Variants in CUX2 observed in about 807,000 individuals in gnomAD.
CUX2 encodes cut like homeobox 2, also known as homeobox protein cut-like 2.
A neutral mutation model predicts 144.8 loss-of-function variants in CUX2; 40 were observed. That is an observed-to-expected ratio of 0.28 (90% CI 0.21 to 0.36). The LOEUF is 0.36. Ranked by LOEUF, CUX2 falls within the 10% of genes least tolerant of loss-of-function variation. The pLI, the probability that CUX2 is intolerant of heterozygous loss-of-function variation, is 1.00. For synonymous variants in CUX2, 827 were observed against 875.6 expected (o/e 0.94, Z 0.98); for missense variants, 1,615 against 1,994.0 (o/e 0.81, Z 3.62).
At chr12:111,147,490 C>G (rs1876760936) in intron 1 of CUX2, among the ~76,000 whole-genome samples, 1 of 152,226 alleles carries the variant, frequency 6.6e-6, no homozygotes, top group Non-Finnish European at 1.5e-5. Flanking sequence ...GCCCCCTTTC[C>G]CTGGCACAGT....
At chr12:111,279,585 G>A (rs7967193) in intron 4 of CUX2, among the ~76,000 whole-genome samples, 11,541 of 152,246 alleles carry the variant, frequency 0.076, 938 homozygotes, top group African/African-American at 0.2. Context: ...CACTTTGGGA[G>A]GCCAAGATGG....
At chr12:111,303,761 A>G (rs1886434194) in intron 9 of CUX2, among the ~76,000 whole-genome samples, 1 of 152,186 alleles carries the variant, frequency 6.6e-6, no homozygotes, top group Non-Finnish European at 1.5e-5. Context: ...GACTCATTCC[A>G]TACCAGGTGG....
At chr12:111,237,752 C>G (rs567162232) in intron 3 of CUX2, among the ~76,000 whole-genome samples, 1 of 152,184 alleles carries the variant, frequency 6.6e-6, no homozygotes, top group South Asian at 2.1e-4. Flanking sequence ...TGTGCCCCTT[C>G]CCTCTTCTCA....
chr12:111,228,783 C>T (rs1457997175), intron 3 of CUX2, among the ~76,000 whole-genome samples: 1 of 152,048 alleles, frequency 6.6e-6, no homozygotes, highest in Non-Finnish European at 1.5e-5. Context: ...GTCAGCAGAC[C>T]CGCACAGTTC....
chr12:111,241,084 T>C (rs1882996794), intron 3 of CUX2, among the ~76,000 whole-genome samples: 1 of 152,132 alleles, frequency 6.6e-6, no homozygotes, highest in African/African-American at 2.4e-5. Context: ...GCTGCAAAGT[T>C]CAAGTTTGGG....
At chr12:111,174,749 A>G (rs1226437288) in intron 1 of CUX2, among the ~76,000 whole-genome samples, 1 of 152,220 alleles carries the variant, frequency 6.6e-6, no homozygotes, top group African/African-American at 2.4e-5. Flanking sequence ...GGGAACAGGG[A>G]CATCACCACC....
chr12:111,144,823 A>G (rs1267784624), intron 1 of CUX2, among the ~76,000 whole-genome samples: 1 of 152,090 alleles, frequency 6.6e-6, no homozygotes, highest in Non-Finnish European at 1.5e-5. Flanking sequence ...AAGGATCTTT[A>G]CCTGGAGGCC....
At chr12:111,301,089 G>A (rs1439186916) in intron 9 of CUX2, among the ~76,000 whole-genome samples, 7 of 150,392 alleles carry the variant, frequency 4.7e-5, no homozygotes, top group South Asian at 2.1e-4. Flanking sequence ...TAGGAAGCAC[G>A]TCTAATAATG....
intron 1 of CUX2, among the ~76,000 whole-genome samples, chr12:111,169,717 C>T (rs1878394873): frequency 6.6e-6 from 1 of 152,164 alleles, no homozygotes; most frequent in African/African-American, 2.4e-5. Flanking sequence ...CCCATTAGTC[C>T]CCCTCTGGTA....
chr12:111,319,836 G>C (rs767099250), intron 16 of CUX2, among the ~76,000 whole-genome samples, 176 bp from the exon 17 acceptor site: 7 of 152,230 alleles, frequency 4.6e-5, no homozygotes, highest in Non-Finnish European at 8.8e-5. Flanking sequence ...ATTTTGGGTG[G>C]CTGCCTAATA....
intron 3 of CUX2, among the ~76,000 whole-genome samples, chr12:111,260,563 C>T (rs985971720): frequency 1.3e-5 from 2 of 152,114 alleles, no homozygotes; most frequent in South Asian, 2.1e-4. Context: ...AGTTTGAAAT[C>T]GTTGCATTTC....
chr12:111,268,464 T>C (rs1282066997), intron 4 of CUX2, among the ~76,000 whole-genome samples: 1 of 152,216 alleles, frequency 6.6e-6, no homozygotes, highest in Non-Finnish European at 1.5e-5. Context: ...GGGGCGGACG[T>C]TCAGCCAGTA....
rs556262553 is a variant in CUX2, at chr12:111,298,763, C to T, written c.753+174C>T. ...GAGTCTGGGCCCCAGGCCCTGCCCT[C>T]CCCAAGCTCCCAGGGTGGGCCCAGG... is the stretch of plus-strand genomic sequence containing the variant. On this transcript the variant is annotated intron_variant, in intron 9 of 21. Transcript: ENST00000261726. 5.8e-4 allele frequency among the ~76,000 whole-genome samples: 88 copies of T among 152,248 alleles called. 1 individual carries two copies. Among genetic ancestry groups the T allele is most frequent in the African/African-American group, 2.0e-3 (85 of 41,560 alleles).
intron 1 of CUX2, among the ~76,000 whole-genome samples, chr12:111,137,572 G>T (rs1875984522): frequency 6.6e-6 from 1 of 151,974 alleles, no homozygotes. Flanking sequence ...AAGTGCAGTG[G>T]CCCAATCACA....
At chr12:111,124,123 G>A (rs747557428) in intron 1 of CUX2, among the ~76,000 whole-genome samples, 3 of 152,114 alleles carry the variant, frequency 2.0e-5, no homozygotes, top group East Asian at 1.9e-4. Context: ...AAAGGAAACC[G>A]CATACCCCTG....
At chr12:111,137,797 GA>G (rs1876008021) in intron 1 of CUX2, among the ~76,000 whole-genome samples, 1 of 152,240 alleles carries the variant, frequency 6.6e-6, no homozygotes, top group Non-Finnish European at 1.5e-5. Context: ...TTATAGGCAT[GA>G]ACCAGCCACC....
At chr12:111,207,421 A>G (rs769786367) in intron 1 of CUX2, among the ~76,000 whole-genome samples, 14 of 152,218 alleles carry the variant, frequency 9.2e-5, no homozygotes, top group African/African-American at 3.4e-4. Flanking sequence ...TGCCTAGCAC[A>G]TCAGAGACCA....
intron 1 of CUX2, among the ~76,000 whole-genome samples, chr12:111,036,655 A>G (rs1257797380): frequency 2.7e-5 from 4 of 150,332 alleles, no homozygotes; most frequent in Non-Finnish European, 5.9e-5. Context: ...TCGTTAAAAC[A>G]ATGGCTAGTG....
intron 4 of CUX2, among the ~76,000 whole-genome samples, chr12:111,266,458 A>G (rs935721624): frequency 1.4e-5 from 2 of 147,518 alleles, no homozygotes; most frequent in African/African-American, 2.6e-5. Flanking sequence ...GTGACAGAGC[A>G]AGACCCTGTC....
Sources: allele counts gnomAD v4.1 joint callset (sites outside exome capture counted in the v4.1 genomes callset), GRCh38; gene constraint gnomAD v4.1.1; transcripts MANE v1.5; gene names NCBI Gene and HGNC (gene_info 2026-07-23, HGNC 2026-07-21).